Variants in LRMDA observed in about 807,000 individuals in gnomAD.
LRMDA encodes leucine rich melanocyte differentiation associated.
LRMDA carries 18 observed loss-of-function variants against 29.8 expected under a neutral mutation model. The ratio of observed to expected loss-of-function variants is 0.60; its 90% CI spans 0.42 to 0.90. LRMDA has a LOEUF of 0.90. LRMDA is among the 40% of genes least tolerant of loss of function. The pLI is 0.00. For missense variants in LRMDA, 273 were observed against 273.9 expected, an observed-to-expected ratio of 1.00 and a Z score of 0.02; for synonymous variants, 125 against 109.4, an observed-to-expected ratio of 1.14 and a Z score of -0.89.
At chr10:75,952,539 G>A (rs2132421186) in intron 2 of LRMDA, among the ~76,000 whole-genome samples, 1 of 152,212 alleles carries the variant, frequency 6.6e-6, no homozygotes, top group Non-Finnish European at 1.5e-5. Context: ...ATATTGGAAC[G>A]ATTTTGGCAA....
chr10:75,521,407 C>T (rs1477614065), intron 2 of LRMDA, among the ~76,000 whole-genome samples: 1 of 152,236 alleles, frequency 6.6e-6, no homozygotes, highest in Non-Finnish European at 1.5e-5. Context: ...ACTCAAGCCT[C>T]AGCAATGGCA....
chr10:76,367,366 G>C (rs11516634), intron 6 of LRMDA, among the ~76,000 whole-genome samples: 15,990 of 152,044 alleles, frequency 0.11, 968 homozygotes, highest in East Asian at 0.3. Flanking sequence ...GAATTCTGTT[G>C]TGAACCTGTC....
chr10:76,133,449 T>C (rs1850036420), intron 5 of LRMDA, among the ~76,000 whole-genome samples: 1 of 152,112 alleles, frequency 6.6e-6, no homozygotes, highest in Non-Finnish European at 1.5e-5. Flanking sequence ...TCCTGGGTGG[T>C]CTTGTCTGCT....
intron 5 of LRMDA, among the ~76,000 whole-genome samples, chr10:76,310,498 A>G (rs1479912187): frequency 6.6e-6 from 1 of 152,010 alleles, no homozygotes; most frequent in Non-Finnish European, 1.5e-5. Context: ...TTTCCCTCCC[A>G]TGCGGTTCAT....
intron 6 of LRMDA, among the ~76,000 whole-genome samples, chr10:76,534,785 C>T (rs536569278): frequency 2.6e-5 from 4 of 152,230 alleles, no homozygotes; most frequent in African/African-American, 9.6e-5. Context: ...TTATTATTGC[C>T]ATTCAAAATA....
chr10:76,375,394 A>T (rs1363825789), intron 6 of LRMDA, among the ~76,000 whole-genome samples: 2 of 152,182 alleles, frequency 1.3e-5, no homozygotes, highest in Non-Finnish European at 2.9e-5. Context: ...TCTTTAATAA[A>T]ACTGTCACTT....
intron 2 of LRMDA, among the ~76,000 whole-genome samples, chr10:75,728,214 C>T (rs1842652884): frequency 6.6e-6 from 1 of 152,184 alleles, no homozygotes; most frequent in Admixed American, 6.5e-5. Context: ...TGACACTAAA[C>T]TGCATAATCT....
At chr10:76,156,849 C>G (rs553463178) in intron 5 of LRMDA, among the ~76,000 whole-genome samples, 8 of 152,172 alleles carry the variant, frequency 5.3e-5, no homozygotes, top group Non-Finnish European at 8.8e-5. Flanking sequence ...TACATTCTTT[C>G]TCCTGTAGAG....
intron 2 of LRMDA, among the ~76,000 whole-genome samples, chr10:75,508,080 T>G (rs1845188241): frequency 6.6e-6 from 1 of 152,234 alleles, no homozygotes; most frequent in African/African-American, 2.4e-5. Context: ...GAATGTCTCT[T>G]CTGCTGCCTG....
At chr10:76,077,783 G>A (rs1300572425) in intron 5 of LRMDA, among the ~76,000 whole-genome samples, 4 of 151,874 alleles carry the variant, frequency 2.6e-5, no homozygotes, top group Non-Finnish European at 5.9e-5. Flanking sequence ...TCACCCAGAG[G>A]TTTAGCTGGA....
intron 5 of LRMDA, among the ~76,000 whole-genome samples, chr10:76,161,761 A>T (rs2132179456): frequency 1.3e-5 from 2 of 152,282 alleles, no homozygotes; most frequent in Non-Finnish European, 2.9e-5. Context: ...GGGGAACAAG[A>T]TAGACCTAGA....
chr10:75,809,493 A>G (rs1843918428), intron 2 of LRMDA, among the ~76,000 whole-genome samples: 1 of 152,074 alleles, frequency 6.6e-6, no homozygotes, highest in South Asian at 2.1e-4. Context: ...AAGTACAAAA[A>G]TTAGCCAGGC....
At chr10:75,754,497 A>C (rs1041609201) in intron 2 of LRMDA, among the ~76,000 whole-genome samples, 1 of 152,226 alleles carries the variant, frequency 6.6e-6, no homozygotes, top group Non-Finnish European at 1.5e-5. Context: ...AATGTTTTTC[A>C]TCTGAAAAAT....
chr10:76,195,012 G>A (rs1851308219), intron 5 of LRMDA, among the ~76,000 whole-genome samples: 1 of 152,032 alleles, frequency 6.6e-6, no homozygotes, highest in African/African-American at 2.4e-5. Flanking sequence ...ATGCTCTTTG[G>A]TCAAAGCCAC....
intron 6 of LRMDA, among the ~76,000 whole-genome samples, chr10:76,517,093 T>G (rs2132357089): frequency 6.6e-6 from 1 of 152,062 alleles, no homozygotes; most frequent in African/African-American, 2.4e-5. Context: ...GTCTAAGAGG[T>G]TAGATGATAT....
intron 6 of LRMDA, among the ~76,000 whole-genome samples, chr10:76,393,696 T>C (rs1206286713): frequency 6.6e-6 from 1 of 152,204 alleles, no homozygotes; most frequent in Admixed American, 6.5e-5. Flanking sequence ...TTTGCTTTTG[T>C]TGCCTATGCT....
At chr10:75,668,172 C>T (rs1013582707) in intron 2 of LRMDA, among the ~76,000 whole-genome samples, 1 of 152,218 alleles carries the variant, frequency 6.6e-6, no homozygotes, top group African/African-American at 2.4e-5. Context: ...GCCTGGATCT[C>T]TTGCCCTCCC....
chr10:76,362,854 T>C (rs1396947300), intron 6 of LRMDA, among the ~76,000 whole-genome samples: 1 of 152,016 alleles, frequency 6.6e-6, no homozygotes, highest in African/African-American at 2.4e-5. Flanking sequence ...AAGTCTTTTC[T>C]TGCTACTGTT....
At chr10:75,632,782 GTTTTTT>G (rs386371855) in intron 2 of LRMDA, among the ~76,000 whole-genome samples, 4 of 43,248 alleles carry the variant, frequency 9.2e-5, no homozygotes, top group East Asian at 7.5e-4. Context: ...GTTTAGTTTA[GTTTTTT>G]TTTTTTTTTT....
Sources: allele counts gnomAD v4.1 joint callset (sites outside exome capture counted in the v4.1 genomes callset), GRCh38; gene constraint gnomAD v4.1.1; transcripts MANE v1.5; gene names NCBI Gene and HGNC (gene_info 2026-07-23, HGNC 2026-07-21).